The following KMT2E variants were observed in gnomAD, a reference collection of about 807,000 sequenced individuals.
The protein encoded by KMT2E is lysine methyltransferase 2E (inactive).
In KMT2E, 30 loss-of-function variants were observed where a neutral mutation model predicts 184.6. The ratio of observed to expected loss-of-function variants is 0.16; its 90% CI spans 0.12 to 0.22. The LOEUF (loss-of-function observed/expected upper bound fraction) is 0.22. Ranked by LOEUF, KMT2E falls within the 10% of genes least tolerant of loss-of-function variation. The probability of loss-of-function intolerance (pLI) is 1.00; values close to 1 mark genes in which losing one functional copy is unlikely to be tolerated. For synonymous variants in KMT2E, 815 were observed against 776.5 expected, an observed-to-expected ratio of 1.05 and a Z score of -0.82; for missense variants, 2,023 against 2,237.4, an observed-to-expected ratio of 0.90 and a Z score of 1.93.
intron 15 of KMT2E, among the ~76,000 whole-genome samples, chr7:105,093,841 C>T (rs1798303722): frequency 1.3e-5 from 2 of 152,206 alleles, no homozygotes; most frequent in Admixed American, 1.3e-4. Flanking sequence ...TTTTTATATC[C>T]ATTTTAATAT....
chr7:105,112,502 T>A lies in KMT2E; in HGVS notation c.4746T>A (p.Phe1582Leu). 1.2e-6 allele frequency: 2 copies of A among 1,614,052 alleles called. No individual in the cohort carries two copies. Among genetic ancestry groups the A allele is most frequent in the Non-Finnish European group, 1.7e-6 (2 of 1,179,998 alleles). The change falls in exon 27 of 27, where the codon TTT (phenylalanine) becomes TTA (leucine). Residue 1582 changes from phenylalanine (F) to leucine (L), a missense_variant. Coordinates refer to ENST00000311117, the MANE Select transcript of KMT2E (RefSeq NM_182931.3). ...GTAGTCTTTCTCAACAAACTGTGTTTACATCAGGACCAAATCAAGCACTTC... is the reference window on the plus strand; with the variant it reads ...GTAGTCTTTCTCAACAAACTGTGTTAACATCAGGACCAAATCAAGCACTTC... ...LKGSLSQQTV[F>L]TSGPNQALPG...
intron 3 of KMT2E, chr7:105,061,912 T>C (rs1032677402): frequency 2.6e-5 from 8 of 303,234 alleles, no homozygotes; most frequent in Non-Finnish European, 4.8e-5. Flanking sequence ...ACTCTAGTAA[T>C]TTTTTTTAAT....
At chr7:105,094,759 A>G (rs558497657) in intron 15 of KMT2E, among the ~76,000 whole-genome samples, 3 of 152,288 alleles carry the variant, frequency 2.0e-5, no homozygotes, top group South Asian at 4.1e-4. Flanking sequence ...CAATATTAAG[A>G]TATTTTGAGA....
At chr7:105,091,069 G>T in intron 14 of KMT2E, 147 bp from the exon 15 acceptor site, 1 of 502,108 alleles carries the variant, frequency 2.0e-6, no homozygotes. Context: ...CTTGAATTAG[G>T]AAACCAGTTT....
At position 105,086,994 on chromosome 7, in the gene KMT2E, A is replaced by G. The variant is rs1326952744; in HGVS notation, c.1359-3015A>G. On this transcript the variant is annotated intron_variant, in intron 13 of 26. Transcript: ENST00000311117. ...ATATACTATATATTATACGCTGTAT[A>G]TGCTATTTGTTGGCAAATATATAGC... 4.1e-5 allele frequency among the ~76,000 whole-genome samples: 6 copies of G among 146,976 alleles called. No individual in the cohort carries two copies. The South Asian group carries it at 8.4e-4, about 21-fold the overall frequency.
chr7:105,028,099 C>A (rs62486618), intron 1 of KMT2E, among the ~76,000 whole-genome samples: 6 of 151,484 alleles, frequency 4.0e-5, no homozygotes, highest in Admixed American at 3.9e-4. Flanking sequence ...ACTGTGTCTA[C>A]ATATCGTACT....
Position 105,112,791 on chromosome 7 carries a change from C to G in KMT2E, c.5035C>G (p.Pro1679Ala). The stretch of plus-strand genomic sequence containing the variant: ...TCAAACTGCTGGACACCACTTACCC[C>G]CACCCCCACCCCCTCCTGGTCCTGC... ...HSQTAGHHLP[P>A]PPPPPGPAPH... is the part of the protein sequence containing the mutation. Residue 1679 changes from proline to alanine, a missense_variant, in exon 27 of 27, where the codon CCA becomes GCA. Physicochemically the swap from Pro to Ala is conservative, Grantham distance 27. This residue lies in a region of KMT2E where 1,108 missense variants were observed against 1,050.9 expected (regional missense o/e 1.05). Transcript: ENST00000311117. 6.4e-7 allele frequency: 1 copy of G among 1,564,468 alleles called. No homozygotes were observed. The highest frequency in any genetic ancestry group is 8.7e-7 in the Non-Finnish European group (1 of 1,147,636).
chr7:105,053,733 G>A (rs1255418085), intron 3 of KMT2E, among the ~76,000 whole-genome samples: 1 of 152,140 alleles, frequency 6.6e-6, no homozygotes, highest in Non-Finnish European at 1.5e-5. Flanking sequence ...TTAAAAATTA[G>A]CCAGGCATAG....
At chr7:105,080,996 C>G (rs1467006678) in intron 12 of KMT2E, among the ~76,000 whole-genome samples, 2 of 151,816 alleles carry the variant, frequency 1.3e-5, no homozygotes, top group Non-Finnish European at 2.9e-5. Flanking sequence ...GAGTGAGACT[C>G]TGTCTCAAAA....
Position 105,074,766 on chromosome 7 carries a change from G to T in KMT2E, c.680G>T (p.Arg227Ile). 6.2e-7 allele frequency: 1 copy of T among 1,606,012 alleles called. No individual in the cohort carries two copies. The highest frequency in any genetic ancestry group is 2.2e-5 in the East Asian group (1 of 44,590). ...AGAGTTTCCAAAGTTAATGATAAAAGAAGGAAAAAAAGCGGGGAGAAAGAA... is the reference window on the plus strand; with the variant it reads ...AGAGTTTCCAAAGTTAATGATAAAATAAGGAAAAAAAGCGGGGAGAAAGAA... ...ASRVSKVNDK[R>I]RKKSGEKEQH... is the part of the protein sequence containing the mutation. Residue 227 changes from arginine (R) to isoleucine (I), a missense_variant, in exon 8 of 27, where the codon AGA (arginine) becomes ATA (isoleucine). Around this residue, in one of 8 missense-constraint regions of KMT2E, gnomAD observed 191 missense variants for 209.0 expected, o/e 0.91. Transcript: ENST00000311117.
chr7:105,090,428 G>C (rs1029840385), intron 14 of KMT2E, among the ~76,000 whole-genome samples, 155 bp downstream of exon 14: 1 of 152,142 alleles, frequency 6.6e-6, no homozygotes, highest in East Asian at 1.9e-4. Context: ...TACAAGTTCT[G>C]CTAGAATTTG....
intron 5 of KMT2E, 168 bp downstream of exon 5, chr7:105,063,748 GT>G (rs1223556430): frequency 9.5e-5 from 54 of 570,248 alleles, no homozygotes; most frequent in South Asian, 6.1e-4. Flanking sequence ...TGAAAAAAGA[GT>G]TTACTAGAAA....
chr7:105,041,861 T>G (rs1422620727), intron 3 of KMT2E, among the ~76,000 whole-genome samples: 1 of 151,700 alleles, frequency 6.6e-6, no homozygotes, highest in East Asian at 1.9e-4. Context: ...GAAGAAACTA[T>G]TTTTTTTTCT....
At chr7:105,058,340 A>G (rs1796656587) in intron 3 of KMT2E, among the ~76,000 whole-genome samples, 1 of 152,202 alleles carries the variant, frequency 6.6e-6, no homozygotes, top group Admixed American at 6.5e-5. Flanking sequence ...TAATGATGAT[A>G]TTAATGATCA....
chr7:105,067,816 C>T (rs1421917619), intron 6 of KMT2E, among the ~76,000 whole-genome samples: 5 of 151,996 alleles, frequency 3.3e-5, no homozygotes, highest in African/African-American at 1.2e-4. Flanking sequence ...CCTAAAAATA[C>T]AGAAGATGAG....
Position 105,091,398 on chromosome 7 carries a change from A to G in KMT2E, c.1722+84A>G, listed in dbSNP as rs751245423. 79 of 797,028 alleles carry G rather than the reference A, an allele frequency of 9.9e-5. 1 individual carries two copies. The South Asian group carries it at 1.1e-3, about 11-fold the overall frequency. The allele number at this position is 797,028 out of a possible 1,614,324, so 49.4% of individuals were successfully genotyped here. The stretch of plus-strand genomic sequence containing the variant: ...TTGCTGCCTTTACATGGGCTTTTAC[A>G]TTATTCTTTGAAGTTAGCGAATGAT... On this transcript the variant is annotated intron_variant, in intron 15 of 26. Transcript: ENST00000311117.
intron 15 of KMT2E, among the ~76,000 whole-genome samples, chr7:105,098,034 C>T (rs1288477803): frequency 6.6e-6 from 1 of 152,082 alleles, no homozygotes; most frequent in Non-Finnish European, 1.5e-5. Context: ...ATGGAGACAC[C>T]ACACAAGCCA....
intron 17 of KMT2E, 140 bp downstream of exon 17, chr7:105,102,334 G>A (rs1798690567): frequency 1.7e-6 from 1 of 605,922 alleles, no homozygotes; most frequent in Non-Finnish European, 2.7e-6. Flanking sequence ...AACTAAGAAT[G>A]AGAATTCCAA....
chr7:105,087,065 TATATAATACATAATATATAGCGTATGTA>T lies in KMT2E; in HGVS notation c.1359-2938_1359-2911del, dbSNP rs1253570828. Among the ~76,000 whole-genome samples, 183 of 147,412 alleles carry T rather than the reference TATATAATACATAATATATAGCGTATGTA, an allele frequency of 1.2e-3. 1 individual carries two copies. Among genetic ancestry groups the T allele is most frequent in the African/African-American group, 4.3e-3 (174 of 40,618 alleles). ...TGTATAATATATATAGCATATATAA[TATATAATACATAATATATAGCGTATGTA>T]ATATACATTATAGCATATGTGCTAT... On this transcript the variant is annotated intron_variant, in intron 13 of 26. Transcript: ENST00000311117.
Sources: allele counts gnomAD v4.1 joint callset (sites outside exome capture counted in the v4.1 genomes callset), GRCh38; gene constraint gnomAD v4.1.1; regional missense constraint gnomAD v4.1.1; transcripts MANE v1.5; gene names NCBI Gene and HGNC (gene_info 2026-07-23, HGNC 2026-07-21).